Variants in CASD1 observed in about 807,000 individuals in gnomAD.
The protein encoded by CASD1 is CAS1 domain sialic acid O acetyltransferase 1.
CASD1 carries 41 observed loss-of-function variants against 100.0 expected under a neutral mutation model. The observed-to-expected ratio is 0.41, with a 90% CI of 0.32 to 0.53. The LOEUF is 0.53. Ranked by LOEUF, CASD1 falls within the 20% of genes least tolerant of loss-of-function variation. The pLI is 0.25. For synonymous variants in CASD1, 321 were observed against 315.6 expected (o/e 1.02, Z -0.18); for missense variants, 774 against 948.7 (o/e 0.82, Z 2.42).
the CASD1 span, among the ~76,000 whole-genome samples, chr7:94,608,365 A>G: frequency 0.13 from 20,247 of 152,122 alleles, 4,435 homozygotes; most frequent in African/African-American, 0.46. Context: ...TAAGTCTAAT[A>G]AAATAGGTAC....
chr7:94,588,715 G>C, the CASD1 span: 1 of 1,610,960 alleles, frequency 6.2e-7, no homozygotes, highest in African/African-American at 1.3e-5. Context: ...GGGAATCTGA[G>C]TCTGATGTGG....
intron 13 of CASD1, 108 bp from the exon 14 acceptor site, chr7:94,549,425 A>G: frequency 1.9e-6 from 1 of 520,232 alleles, no homozygotes; most frequent in Non-Finnish European, 3.3e-6. Context: ...AACATTGTGA[A>G]TGACTCTTAT....
the CASD1 span, among the ~76,000 whole-genome samples, chr7:94,577,403 T>A: frequency 0.08 from 12,228 of 152,268 alleles, 545 homozygotes; most frequent in East Asian, 0.13. Flanking sequence ...ATCTTAGTGG[T>A]CAGCTAATAA....
intron 1 of CASD1, 52 bp downstream of exon 1, chr7:94,510,269 C>A: frequency 2.3e-6 from 3 of 1,317,690 alleles, no homozygotes; most frequent in Non-Finnish European, 3.0e-6. Context: ...GGCGGCGACG[C>A]GGCGGCTGGA....
chr7:94,587,028 G>A, the CASD1 span: 1 of 983,618 alleles, frequency 1.0e-6, no homozygotes, highest in Non-Finnish European at 1.2e-6. Flanking sequence ...AGGCTCTAGT[G>A]TTAACTAAAA....
rs1186528447 is a variant in CASD1 at position 94,537,736 on chromosome 7, T to A, written c.1108T>A (p.Ser370Thr). 6.2e-7 allele frequency: 1 copy of A among 1,613,704 alleles called. No homozygotes were observed. The highest frequency in any genetic ancestry group is 8.5e-7 in the Non-Finnish European group (1 of 1,179,908). Residue 370 changes from serine to threonine, a missense_variant, in exon 9 of 18, where the codon TCT becomes ACT. Ser to Thr is a moderately conservative substitution (Grantham distance 58). Transcript: ENST00000297273. Reference protein sequence around the residue: ...PVSSLEILLQSFCKLGLIMAY... With the variant: ...PVSSLEILLQTFCKLGLIMAY... ...GTCTTCATTAGAAATACTTTTACAATCTTTCTGCAAACTTGGCCTGATTAT... is the reference window on the plus strand; with the variant it reads ...GTCTTCATTAGAAATACTTTTACAAACTTTCTGCAAACTTGGCCTGATTAT...
At chr7:94,528,294 T>C (rs1263055691) in intron 5 of CASD1, 44 bp downstream of exon 5, 1 of 1,333,862 alleles carries the variant, frequency 7.5e-7, no homozygotes, top group Non-Finnish European at 1.0e-6. Flanking sequence ...TTTATTTTTA[T>C]TCCCTTTACA....
chr7:94,531,780 T>C (rs955654367), intron 5 of CASD1, among the ~76,000 whole-genome samples: 1 of 152,168 alleles, frequency 6.6e-6, no homozygotes, highest in Admixed American at 6.5e-5. Flanking sequence ...TGCTTGTTTT[T>C]AATTGTTTCT....
At chr7:94,612,698 A>C in the CASD1 span, among the ~76,000 whole-genome samples, 3 of 152,200 alleles carry the variant, frequency 2.0e-5, no homozygotes, top group Admixed American at 2.0e-4. Flanking sequence ...ATACTGCCAA[A>C]CTACTTTCAT....
the CASD1 span, among the ~76,000 whole-genome samples, chr7:94,567,111 CT>C: frequency 3.4e-3 from 486 of 144,428 alleles, 3 homozygotes; most frequent in African/African-American, 5.0e-3. Flanking sequence ...TGCTTCCATC[CT>C]TTTTTTTTTT....
the CASD1 span, chr7:94,623,813 A>T: frequency 8.1e-6 from 3 of 371,536 alleles, no homozygotes; most frequent in Non-Finnish European, 1.4e-5. Flanking sequence ...TAAAACAAGC[A>T]TATCTTTGTG....
At chr7:94,629,412 A>C in the CASD1 span, 1 of 289,656 alleles carries the variant, frequency 3.5e-6, no homozygotes, top group South Asian at 3.6e-5. Flanking sequence ...TCTAGGTCTT[A>C]ATATAGAAAA....
the CASD1 span, among the ~76,000 whole-genome samples, chr7:94,610,552 T>G: frequency 6.6e-6 from 1 of 152,136 alleles, no homozygotes; most frequent in East Asian, 1.9e-4. Context: ...CTAAAACTAT[T>G]AAACTCTGAG....
At chr7:94,613,084 A>AT in the CASD1 span, among the ~76,000 whole-genome samples, 1 of 152,206 alleles carries the variant, frequency 6.6e-6, no homozygotes, top group Non-Finnish European at 1.5e-5. Flanking sequence ...TACTGGCTAA[A>AT]TGAATGCATG....
At chr7:94,615,413 GATAGATAGATAA>G in the CASD1 span, among the ~76,000 whole-genome samples, 3,353 of 136,528 alleles carry the variant, frequency 0.025, 60 homozygotes, top group Non-Finnish European at 0.036. Context: ...TAGATAGATA[GATAGATAGATAA>G]AGGGCAATTC....
the CASD1 span, among the ~76,000 whole-genome samples, chr7:94,615,430 CA>C: frequency 6.6e-6 from 1 of 151,514 alleles, no homozygotes; most frequent in Non-Finnish European, 1.5e-5. Flanking sequence ...AGATAAAGGG[CA>C]ATTCTGTAAG....
intron 3 of CASD1, 72 bp downstream of exon 3, chr7:94,518,395 GTC>G: frequency 1.5e-6 from 2 of 1,329,706 alleles, no homozygotes; most frequent in Non-Finnish European, 2.0e-6. Flanking sequence ...GGAGGAGTGT[GTC>G]TCTCCAGATT....
the CASD1 span, chr7:94,629,874 A>G: frequency 3.7e-6 from 6 of 1,608,580 alleles, no homozygotes; most frequent in Non-Finnish European, 5.1e-6. Flanking sequence ...AGTGACAGAA[A>G]GACAAATAAT....
the CASD1 span, chr7:94,623,427 A>ACATTTCACTTC: frequency 7.3e-7 from 1 of 1,367,740 alleles, no homozygotes; most frequent in Non-Finnish European, 1.0e-6. Flanking sequence ...ATATTAAAGA[A>ACATTTCACTTC]GTGAAATGTT....
Sources: gnomAD v4.1 joint callset for allele counts (sites outside exome capture counted in the v4.1 genomes callset) on GRCh38, gnomAD v4.1.1 for gene constraint, MANE v1.5 for transcripts, NCBI Gene and HGNC (gene_info 2026-07-23, HGNC 2026-07-21) for gene names.